PTTG1IP2: variants seen among roughly 807,000 people sequenced by gnomAD.
PTTG1IP2 encodes the protein PTTG1IP family member 2.
At chr7:90,473,109 A>T (rs1350922367) in intron 1 of PTTG1IP2, among the ~76,000 whole-genome samples, 2 of 152,254 alleles carry the variant, frequency 1.3e-5, no homozygotes, top group Non-Finnish European at 2.9e-5. Flanking sequence ...AGGTAATAGT[A>T]GCAGGAAGAA....
intron 2 of PTTG1IP2, among the ~76,000 whole-genome samples, chr7:90,486,638 A>G (rs1389036476): frequency 1.3e-5 from 2 of 152,140 alleles, no homozygotes; most frequent in African/African-American, 4.8e-5. Context: ...GCTTGTTGAC[A>G]GTACCACCAG....
At chr7:90,493,151 CG>C (rs1047093375) in intron 5 of PTTG1IP2, among the ~76,000 whole-genome samples, 1 of 151,916 alleles carries the variant, frequency 6.6e-6, no homozygotes, top group South Asian at 2.1e-4. Context: ...TTGCAGGGTG[CG>C]GGGGGGCTTC....
At chr7:90,506,212 T>C (rs1798123243) in intron 6 of PTTG1IP2, among the ~76,000 whole-genome samples, 1 of 152,086 alleles carries the variant, frequency 6.6e-6, no homozygotes, top group Non-Finnish European at 1.5e-5. Flanking sequence ...TTGGTTCTAT[T>C]AAATTTTTTT....
chr7:90,507,601 TAGA>T (rs1452510973), intron 6 of PTTG1IP2, among the ~76,000 whole-genome samples: 1 of 152,134 alleles, frequency 6.6e-6, no homozygotes, highest in Non-Finnish European at 1.5e-5. Context: ...GGCCATGAAG[TAGA>T]AGGAGCTCAA....
intron 3 of PTTG1IP2, among the ~76,000 whole-genome samples, chr7:90,488,593 TA>T (rs1476237623): frequency 6.6e-6 from 1 of 151,888 alleles, no homozygotes; most frequent in African/African-American, 2.4e-5. Context: ...AGTTTAGAGG[TA>T]AAATAAAGAA....
intron 1 of PTTG1IP2, among the ~76,000 whole-genome samples, chr7:90,476,434 C>G (rs765880424): frequency 6.2e-4 from 95 of 152,016 alleles, no homozygotes; most frequent in Non-Finnish European, 1.0e-3. Context: ...GGATCTTTGT[C>G]TAGGTTGAGA....
At chr7:90,485,620 G>A (rs907451260) in intron 2 of PTTG1IP2, among the ~76,000 whole-genome samples, 7 of 152,110 alleles carry the variant, frequency 4.6e-5, no homozygotes, top group Non-Finnish European at 7.4e-5. Flanking sequence ...GTGAGTTGTT[G>A]GTCACCAGTC....
At chr7:90,506,385 C>T (rs11563860) in intron 6 of PTTG1IP2, among the ~76,000 whole-genome samples, 14,286 of 152,018 alleles carry the variant, frequency 0.094, 1,329 homozygotes, top group East Asian at 0.5. Flanking sequence ...TGCATACATG[C>T]CAGTTTGGTA....
At position 90,472,279 on chromosome 7, in the gene PTTG1IP2, A is replaced by AACACACAC. The variant is rs144907444; in HGVS notation, c.145+2383_145+2390dup. On this transcript the variant is annotated intron_variant, in intron 1 of 6. Coordinates refer to ENST00000509356, the MANE Select transcript of PTTG1IP2 (RefSeq NM_001365443.2). ...ATAAAGGAGTATACGATAGCATGCA[A>AACACACAC]ACACACACACACACACACACACACA... is the stretch of plus-strand genomic sequence containing the variant. Among the ~76,000 whole-genome samples, 589 of 138,018 alleles carry AACACACAC rather than the reference A, an allele frequency of 4.3e-3. 2 individuals are homozygous for AACACACAC. The highest frequency in any genetic ancestry group is 0.013 in the African/African-American group (487 of 38,338). 90.5% of individuals were successfully genotyped at this position (138,018 alleles called of 152,430 possible).
At chr7:90,482,290 T>G (rs1232592989) in intron 2 of PTTG1IP2, among the ~76,000 whole-genome samples, 2 of 152,170 alleles carry the variant, frequency 1.3e-5, no homozygotes, top group African/African-American at 4.8e-5. Context: ...TTATGTCCAC[T>G]TCTCCGTGGA....
intron 4 of PTTG1IP2, among the ~76,000 whole-genome samples, chr7:90,490,433 A>AG (rs1490162439): frequency 1.5e-5 from 2 of 133,538 alleles, no homozygotes; most frequent in South Asian, 2.4e-4. Flanking sequence ...TAGTGCTTGC[A>AG]GAAAAAAAAA....
chr7:90,501,780 G>T (rs1798064638), intron 6 of PTTG1IP2, among the ~76,000 whole-genome samples: 1 of 152,208 alleles, frequency 6.6e-6, no homozygotes, highest in Non-Finnish European at 1.5e-5. Context: ...GATGGTTGCA[G>T]CCTGATCAGG....
chr7:90,475,959 A>G (rs1797744089), intron 1 of PTTG1IP2, among the ~76,000 whole-genome samples: 1 of 151,920 alleles, frequency 6.6e-6, no homozygotes, highest in African/African-American at 2.4e-5. Context: ...AAAAAGAAAA[A>G]GAAAAATATC....
intron 1 of PTTG1IP2, among the ~76,000 whole-genome samples, chr7:90,473,342 G>A (rs1797711914): frequency 6.6e-6 from 1 of 152,136 alleles, no homozygotes; most frequent in South Asian, 2.1e-4. Flanking sequence ...TGCTAGACAT[G>A]ACACTCCCTA....
At chr7:90,488,004 T>C (rs1797895277) in intron 3 of PTTG1IP2, among the ~76,000 whole-genome samples, 1 of 152,160 alleles carries the variant, frequency 6.6e-6, no homozygotes, top group Non-Finnish European at 1.5e-5. Context: ...CAAATATTAA[T>C]CATCAAAGAA....
chr7:90,506,034 T>C (rs1798121288), intron 6 of PTTG1IP2, among the ~76,000 whole-genome samples: 1 of 150,424 alleles, frequency 6.6e-6, no homozygotes, highest in Non-Finnish European at 1.5e-5. Context: ...AATGCCTGTT[T>C]CTCATTTCAC....
Position 90,493,971 on chromosome 7 carries a change from T to G in PTTG1IP2, c.452-396T>G, listed in dbSNP as rs188884487. 1.1e-3 allele frequency among the ~76,000 whole-genome samples: 173 copies of G among 152,326 alleles called. 1 individual carries two copies. The highest frequency in any genetic ancestry group is 2.1e-3 in the Non-Finnish European group (141 of 68,024). ...TAAAATGTTCTGTACACTGCGATAC[T>G]CCTCACCTGTGAAGACAGTTATTTT... On this transcript the variant is annotated intron_variant, in intron 5 of 6. Transcript: ENST00000509356.
rs185555424 is a variant in PTTG1IP2 at position 90,508,067 on chromosome 7, G to T, written c.*51-5211G>T. ...GAGCTCAGGAGTTCAAGATCAGCCT[G>T]GACAACATGATGAAACCCTGTCTCT... On this transcript the variant is annotated intron_variant, in intron 6 of 6. Coordinates refer to ENST00000509356, the MANE Select transcript of PTTG1IP2 (RefSeq NM_001365443.2). Among the ~76,000 whole-genome samples, 412 of 151,954 alleles carry T rather than the reference G, an allele frequency of 2.7e-3. 2 individuals are homozygous for T. Among genetic ancestry groups the T allele is most frequent in the African/African-American group, 9.4e-3 (389 of 41,440 alleles).
chr7:90,495,627 G>A (rs549002026), intron 6 of PTTG1IP2, among the ~76,000 whole-genome samples: 1 of 152,176 alleles, frequency 6.6e-6, no homozygotes, highest in Non-Finnish European at 1.5e-5. Flanking sequence ...TTAATAGGAG[G>A]GAGAGGGAGG....
Sources: gnomAD v4.1 joint callset for allele counts (sites outside exome capture counted in the v4.1 genomes callset) on GRCh38, gnomAD v4.1.1 for gene constraint, MANE v1.5 for transcripts, NCBI Gene and HGNC (gene_info 2026-07-23, HGNC 2026-07-21) for gene names.